The following KCNK2 variants were observed in gnomAD, a reference collection of about 807,000 sequenced individuals.
KCNK2 encodes the protein potassium channel subfamily K member 2.
In KCNK2, 21 loss-of-function variants were observed where a neutral mutation model predicts 40.5. That is an observed-to-expected ratio of 0.52 (90% CI 0.37 to 0.75). The LOEUF is 0.75. KCNK2 is among the 30% of genes least tolerant of loss of function. The pLI, the probability that KCNK2 is intolerant of heterozygous loss-of-function variation, is 0.00. For missense variants in KCNK2, 399 were observed against 531.6 expected, an observed-to-expected ratio of 0.75 and a Z score of 2.45; for synonymous variants, 191 against 202.2, an observed-to-expected ratio of 0.94 and a Z score of 0.47.
At chr1:215,093,771 AATATATT>A (rs1404567154) in intron 2 of KCNK2, among the ~76,000 whole-genome samples, 58 of 17,068 alleles carry the variant, frequency 3.4e-3, no homozygotes, top group African/African-American at 5.7e-3. Context: ...TATAATATAA[AATATATT>A]ATATATTATA....
At chr1:215,123,021 G>A (rs947509091) in intron 2 of KCNK2, among the ~76,000 whole-genome samples, 2 of 151,892 alleles carry the variant, frequency 1.3e-5, no homozygotes, top group Admixed American at 1.3e-4. Context: ...TGGGATTACA[G>A]GCGTGAGCCA....
At chr1:215,165,644 A>C (rs923577589) in intron 3 of KCNK2, among the ~76,000 whole-genome samples, 3 of 152,150 alleles carry the variant, frequency 2.0e-5, no homozygotes, top group Non-Finnish European at 2.9e-5. Flanking sequence ...TTTGGTACTT[A>C]AAACTCAATG....
At chr1:215,139,330 C>T (rs904816039) in intron 3 of KCNK2, among the ~76,000 whole-genome samples, 1 of 152,154 alleles carries the variant, frequency 6.6e-6, no homozygotes, top group Non-Finnish European at 1.5e-5. Flanking sequence ...TATCTTGCTA[C>T]CTCCACATAA....
At chr1:215,045,667 T>C (rs1157294206) in intron 1 of KCNK2, among the ~76,000 whole-genome samples, 1 of 152,212 alleles carries the variant, frequency 6.6e-6, no homozygotes, top group African/African-American at 2.4e-5. Context: ...CTCTTTAATT[T>C]GTGTAAAATG....
chr1:215,045,702 A>G (rs1176043740), intron 1 of KCNK2, among the ~76,000 whole-genome samples: 1 of 152,214 alleles, frequency 6.6e-6, no homozygotes. Context: ...TTTTTTAAAT[A>G]AAATAATGCC....
At chr1:215,223,291 C>T (rs1363508232) in intron 6 of KCNK2, among the ~76,000 whole-genome samples, 1 of 140,180 alleles carries the variant, frequency 7.1e-6, no homozygotes, top group Non-Finnish European at 1.5e-5. Context: ...ATTATCGATA[C>T]TTGAGTTGGC....
chr1:215,053,694 C>T (rs1213189768), intron 1 of KCNK2, among the ~76,000 whole-genome samples: 2 of 152,166 alleles, frequency 1.3e-5, no homozygotes, highest in African/African-American at 2.4e-5. Context: ...GAGCAAAAGC[C>T]TTAGATAGAT....
At chr1:215,018,960 T>C (rs1656689092) in intron 1 of KCNK2, among the ~76,000 whole-genome samples, 1 of 151,194 alleles carries the variant, frequency 6.6e-6, no homozygotes, top group East Asian at 2.0e-4. Context: ...TGACAAGCAC[T>C]TGTGGGGTGC....
At chr1:215,183,661 C>G (rs1417458791) in intron 5 of KCNK2, among the ~76,000 whole-genome samples, 1 of 151,980 alleles carries the variant, frequency 6.6e-6, no homozygotes. Flanking sequence ...TCATTTTTAC[C>G]AGCTACCATA....
intron 5 of KCNK2, among the ~76,000 whole-genome samples, chr1:215,177,740 A>ATATATTTTTTTTTTT (rs71167812): frequency 9.8e-6 from 1 of 101,600 alleles, no homozygotes; most frequent in Admixed American, 1.2e-4. Context: ...ATATATATAT[A>ATATATTTTTTTTTTT]TTTTTTTTTT....
At chr1:215,220,884 C>G (rs1399561310) in intron 6 of KCNK2, among the ~76,000 whole-genome samples, 1 of 152,132 alleles carries the variant, frequency 6.6e-6, no homozygotes, top group Non-Finnish European at 1.5e-5. Flanking sequence ...ACCTTAAGAA[C>G]TTGAACAACA....
chr1:215,015,861 C>T (rs1453687893), intron 1 of KCNK2, among the ~76,000 whole-genome samples: 1 of 152,056 alleles, frequency 6.6e-6, no homozygotes, highest in African/African-American at 2.4e-5. Context: ...ACCTTGGAGG[C>T]AAATACCAAT....
intron 3 of KCNK2, among the ~76,000 whole-genome samples, chr1:215,153,971 C>T (rs1000317742): frequency 1.3e-5 from 2 of 152,188 alleles, no homozygotes; most frequent in Non-Finnish European, 2.9e-5. Flanking sequence ...GTATGTACCA[C>T]ATTTTCTTTA....
intron 2 of KCNK2, among the ~76,000 whole-genome samples, chr1:215,105,104 C>A (rs1660380556): frequency 6.6e-6 from 1 of 152,044 alleles, no homozygotes; most frequent in Non-Finnish European, 1.5e-5. Flanking sequence ...AACAAATTTA[C>A]AAATGTCTAA....
intron 5 of KCNK2, among the ~76,000 whole-genome samples, chr1:215,184,822 T>C (rs1463234859): frequency 6.6e-6 from 1 of 152,116 alleles, no homozygotes; most frequent in African/African-American, 2.4e-5. Flanking sequence ...TCAGTGTTAT[T>C]TTAAACAACT....
At position 215,084,397 on chromosome 1, in the gene KCNK2, A is replaced by T. The variant is rs192510306; in HGVS notation, c.46+966A>T. Among the ~76,000 whole-genome samples the T allele has an allele frequency of 3.3e-5, 5 of 152,342 alleles. No homozygotes were observed. The East Asian group carries it at 9.6e-4, about 29-fold the overall frequency. On this transcript the variant is annotated intron_variant, in intron 1 of 6. Coordinates refer to ENST00000444842, the MANE Select transcript of KCNK2 (RefSeq NM_001017425.3). ...ACAAATAGGAGAGCACAGAGATCTG[A>T]GGAGGAGAGACTTGGAAATCTTCAT...
At chr1:215,077,279 A>C (rs990745184) in intron 1 of KCNK2, among the ~76,000 whole-genome samples, 1 of 152,138 alleles carries the variant, frequency 6.6e-6, no homozygotes, top group African/African-American at 2.4e-5. Flanking sequence ...ATTTCATCGA[A>C]GTACTGCCTA....
chr1:215,149,287 G>A (rs1246816370), intron 3 of KCNK2, among the ~76,000 whole-genome samples: 2 of 152,118 alleles, frequency 1.3e-5, no homozygotes, highest in Non-Finnish European at 2.9e-5. Context: ...AGATTCAGGA[G>A]CTCTGGCCCT....
At chr1:215,178,129 T>G (rs1664064367) in intron 5 of KCNK2, among the ~76,000 whole-genome samples, 1 of 152,028 alleles carries the variant, frequency 6.6e-6, no homozygotes, top group Non-Finnish European at 1.5e-5. Flanking sequence ...GTGGCTATTA[T>G]AAATGTGATT....
Sources: gnomAD v4.1 joint callset for allele counts (sites outside exome capture counted in the v4.1 genomes callset) on GRCh38, gnomAD v4.1.1 for gene constraint, MANE v1.5 for transcripts, NCBI Gene and HGNC (gene_info 2026-07-23, HGNC 2026-07-21) for gene names.